FNDC3B: variants seen among roughly 807,000 people sequenced by gnomAD.
FNDC3B encodes fibronectin type III domain containing 3B, also known as fibronectin type III domain-containing protein 3B.
FNDC3B carries 12 observed loss-of-function variants against 151.5 expected under a neutral mutation model. The observed-to-expected ratio is 0.08, with a 90% CI of 0.05 to 0.13. The LOEUF (loss-of-function observed/expected upper bound fraction) is 0.13. Ranked by LOEUF, FNDC3B falls within the 10% of genes least tolerant of loss-of-function variation. The pLI, the probability that FNDC3B is intolerant of heterozygous loss-of-function variation, is 1.00. For synonymous variants in FNDC3B, 528 were observed against 549.0 expected, an observed-to-expected ratio of 0.96 and a Z score of 0.54; for missense variants, 1,214 against 1,505.3, an observed-to-expected ratio of 0.81 and a Z score of 3.20.
In FNDC3B at chr3:172,246,525, C is replaced by T. The variant is rs903982800; in HGVS notation, c.265-1008C>T. Among the ~76,000 whole-genome samples the T allele has an allele frequency of 5.9e-5, 9 of 152,306 alleles. No homozygotes were observed. In the South Asian group the frequency reaches 8.3e-4, roughly 14 times the overall value. On this transcript the variant is annotated intron_variant, in intron 4 of 25. Transcript: ENST00000415807. ...TTGCTCATAGGAGCTGGTAGTGTGA[C>T]GCTGGCCACAGAGGCAATAAATATT...
chr3:172,132,453 T>C (rs2108572115), intron 2 of FNDC3B, among the ~76,000 whole-genome samples: 1 of 152,348 alleles, frequency 6.6e-6, no homozygotes, highest in South Asian at 2.1e-4. Flanking sequence ...TCACCTAGGC[T>C]GGAGTGCAGT....
chr3:172,202,787 G>A (rs570239222), intron 3 of FNDC3B, among the ~76,000 whole-genome samples: 58 of 152,290 alleles, frequency 3.8e-4, no homozygotes, highest in South Asian at 3.1e-3. Context: ...TTGCCTGAAA[G>A]CACATTCATA....
chr3:172,320,776 C>T (rs112611053), intron 11 of FNDC3B, among the ~76,000 whole-genome samples: 43 of 152,250 alleles, frequency 2.8e-4, no homozygotes, highest in African/African-American at 9.9e-4. Flanking sequence ...GTGTGAGTTA[C>T]ATGTATAGAA....
At position 172,210,098 on chromosome 3, in the gene FNDC3B, T is replaced by C. The variant is rs145696812; in HGVS notation, c.188-16773T>C. Among the ~76,000 whole-genome samples the C allele has an allele frequency of 2.0e-3, 312 of 152,288 alleles. 2 individuals are homozygous for C. Among genetic ancestry groups the C allele is most frequent in the African/African-American group, 7.3e-3 (302 of 41,572 alleles). On this transcript the variant is annotated intron_variant, in intron 3 of 25. Coordinates refer to ENST00000415807, the MANE Select transcript of FNDC3B (RefSeq NM_022763.4). Reference sequence around the variant, plus strand: ...GGATGCCTGGGTCCAGAGCTGCAGCTGGGTGGCTGCAGCTGTGCCCAGGGA... The same window carrying C: ...GGATGCCTGGGTCCAGAGCTGCAGCCGGGTGGCTGCAGCTGTGCCCAGGGA...
At chr3:172,156,634 C>G (rs1381709966) in intron 3 of FNDC3B, among the ~76,000 whole-genome samples, 4 of 152,020 alleles carry the variant, frequency 2.6e-5, no homozygotes, top group Non-Finnish European at 2.9e-5. Context: ...CTAATTGAAC[C>G]TGGAAAACCT....
chr3:172,201,744 G>T (rs1012500779), intron 3 of FNDC3B, among the ~76,000 whole-genome samples: 1 of 152,192 alleles, frequency 6.6e-6, no homozygotes, highest in Admixed American at 6.5e-5. Context: ...TATCAGAATA[G>T]CCTTCATGTT....
At chr3:172,171,358 AAAT>A (rs1345269430) in intron 3 of FNDC3B, among the ~76,000 whole-genome samples, 1 of 152,184 alleles carries the variant, frequency 6.6e-6, no homozygotes, top group African/African-American at 2.4e-5. Flanking sequence ...ATTTAGCAAA[AAAT>A]ACCACTTCAT....
At chr3:172,241,563 CAA>C (rs35959261) in intron 4 of FNDC3B, among the ~76,000 whole-genome samples, 15 of 141,924 alleles carry the variant, frequency 1.1e-4, no homozygotes, top group Non-Finnish European at 9.2e-5. Flanking sequence ...TGGATGGCAG[CAA>C]AAAAAAAAAA....
chr3:172,061,083 G>A (rs1717172102), intron 1 of FNDC3B, among the ~76,000 whole-genome samples: 1 of 152,138 alleles, frequency 6.6e-6, no homozygotes, highest in African/African-American at 2.4e-5. Context: ...GAAGTCACTG[G>A]AAGCACAGGT....
chr3:172,348,253 T>C (rs1733700358), intron 21 of FNDC3B, among the ~76,000 whole-genome samples: 1 of 152,254 alleles, frequency 6.6e-6, no homozygotes, highest in African/African-American at 2.4e-5. Context: ...AAATTCGTTA[T>C]TATAAGTACA....
At chr3:172,189,161 A>G (rs558013382) in intron 3 of FNDC3B, among the ~76,000 whole-genome samples, 1 of 152,326 alleles carries the variant, frequency 6.6e-6, no homozygotes, top group South Asian at 2.1e-4. Flanking sequence ...GAATATTCAC[A>G]ATTGTTTTTA....
Position 172,041,381 on chromosome 3 carries a change from TTCTTTTTC to T in FNDC3B, c.-29+1612_-29+1619del, listed in dbSNP as rs1716043677. On this transcript the variant is annotated intron_variant, in intron 1 of 25. Transcript: ENST00000415807. ...TCGTTTTCTTTCTTTCTTTCTTTCT[TTCTTTTTC>T]TTTCTTTCTTTCTCCTTCTCTCTCC... 3.3e-5 allele frequency among the ~76,000 whole-genome samples: 5 copies of T among 151,626 alleles called. No individual in the cohort carries two copies. The East Asian group carries it at 5.8e-4, about 18-fold the overall frequency.
chr3:172,255,886 C>T (rs1431680386), intron 6 of FNDC3B, among the ~76,000 whole-genome samples: 1 of 152,150 alleles, frequency 6.6e-6, no homozygotes, highest in Non-Finnish European at 1.5e-5. Context: ...TCTCATGGTC[C>T]CTGGTGTCTC....
At chr3:172,116,167 G>A (rs955117759) in intron 2 of FNDC3B, among the ~76,000 whole-genome samples, 12 of 152,158 alleles carry the variant, frequency 7.9e-5, no homozygotes, top group Admixed American at 5.9e-4. Flanking sequence ...TCCTCATTAC[G>A]AATGAAGCTT....
intron 3 of FNDC3B, among the ~76,000 whole-genome samples, chr3:172,144,814 A>G (rs1453276658): frequency 6.6e-6 from 1 of 151,748 alleles, no homozygotes; most frequent in Non-Finnish European, 1.5e-5. Flanking sequence ...ACTATTTGTG[A>G]GGCAAGACTG....
chr3:172,045,201 A>G (rs1190559565), intron 1 of FNDC3B, among the ~76,000 whole-genome samples: 1 of 152,154 alleles, frequency 6.6e-6, no homozygotes, highest in Non-Finnish European at 1.5e-5. Flanking sequence ...AGTTTGAAAA[A>G]TGATTTATTT....
chr3:172,081,170 A>G (rs1293504863), intron 1 of FNDC3B, among the ~76,000 whole-genome samples: 4 of 152,228 alleles, frequency 2.6e-5, no homozygotes, highest in African/African-American at 7.2e-5. Flanking sequence ...AGTGGTTTAC[A>G]GATGTAAGAA....
At chr3:172,138,888 C>A (rs759837824) in intron 3 of FNDC3B, among the ~76,000 whole-genome samples, 1 of 152,202 alleles carries the variant, frequency 6.6e-6, no homozygotes, top group Non-Finnish European at 1.5e-5. Context: ...TGAAGCTATT[C>A]GAATGTGAAA....
chr3:172,396,741 A>T (rs1736304354), intron 25 of FNDC3B, among the ~76,000 whole-genome samples: 1 of 152,204 alleles, frequency 6.6e-6, no homozygotes, highest in Non-Finnish European at 1.5e-5. Context: ...ATGCGGATCT[A>T]ACACCTGATG....
Sources: gnomAD v4.1 joint callset for allele counts (sites outside exome capture counted in the v4.1 genomes callset) on GRCh38, gnomAD v4.1.1 for gene constraint, MANE v1.5 for transcripts, NCBI Gene and HGNC (gene_info 2026-07-23, HGNC 2026-07-21) for gene names.